The following TTLL5 variants were observed in gnomAD, a reference collection of about 807,000 sequenced individuals.
The protein encoded by TTLL5 is tubulin polyglutamylase TTLL5.
In TTLL5, 132 loss-of-function variants were observed where a neutral mutation model predicts 168.4. The observed-to-expected ratio is 0.78, with a 90% CI of 0.68 to 0.91. TTLL5 has a LOEUF of 0.91. Among genes scored for constraint, TTLL5 ranks in the 40% least tolerant of loss-of-function variants. The probability of loss-of-function intolerance (pLI) is 0.00; values close to 1 mark genes in which losing one functional copy is unlikely to be tolerated. For synonymous variants in TTLL5, 546 were observed against 558.6 expected, an observed-to-expected ratio of 0.98 and a Z score of 0.32; for missense variants, 1,545 against 1,581.5, an observed-to-expected ratio of 0.98 and a Z score of 0.39.
intron 9 of TTLL5, chr14:75,712,284 C>T (rs1304650248): frequency 6.6e-6 from 1 of 151,846 alleles, no homozygotes; most frequent in Non-Finnish European, 1.5e-5. Flanking sequence ...TTGTCCAGGC[C>T]TCTCTGACTC....
chr14:75,764,162 A>G (rs1367196324), intron 18 of TTLL5, among the ~76,000 whole-genome samples: 1 of 152,168 alleles, frequency 6.6e-6, no homozygotes, highest in Non-Finnish European at 1.5e-5. Context: ...TGCTAAATCC[A>G]TATTGTTTAG....
intron 31 of TTLL5, among the ~76,000 whole-genome samples, chr14:75,924,939 G>T (rs532421388): frequency 6.7e-6 from 1 of 149,366 alleles, no homozygotes; most frequent in African/African-American, 2.5e-5. Context: ...CCTCCTGGAC[G>T]GGGCGGCTGG....
chr14:75,751,251 G>A (rs1015385899), intron 17 of TTLL5, among the ~76,000 whole-genome samples: 1 of 152,146 alleles, frequency 6.6e-6, no homozygotes, highest in Admixed American at 6.6e-5. Flanking sequence ...TCTTCTTCAC[G>A]ATGTCATGGA....
chr14:75,903,417 G>A (rs1238214484), intron 31 of TTLL5, among the ~76,000 whole-genome samples: 4 of 152,078 alleles, frequency 2.6e-5, no homozygotes, highest in Non-Finnish European at 4.4e-5. Context: ...AGTGTGGCTG[G>A]GGACTGGGGC....
chr14:75,889,787 G>A (rs562321564), intron 30 of TTLL5, among the ~76,000 whole-genome samples: 8 of 145,944 alleles, frequency 5.5e-5, no homozygotes, highest in East Asian at 2.0e-4. Flanking sequence ...CCAAGATTGC[G>A]CCACTGCACT....
chr14:75,817,592 GA>G lies in TTLL5; in HGVS notation c.3172-2407del, dbSNP rs562947025. 3.1e-3 allele frequency among the ~76,000 whole-genome samples: 467 copies of G among 151,548 alleles called. 3 individuals carry two copies. Among genetic ancestry groups the G allele is most frequent in the Middle Eastern group, 0.014 (4 of 294 alleles). On this transcript the variant is annotated intron_variant, in intron 27 of 31. Coordinates refer to ENST00000298832, the MANE Select transcript of TTLL5 (RefSeq NM_015072.5). ...CCTTTTTTCTTTCAGAATTTTTAGGGAAAAAAAATCATAATTCTCTCATTTG... is the reference window on the plus strand; with the variant it reads ...CCTTTTTTCTTTCAGAATTTTTAGGGAAAAAAATCATAATTCTCTCATTTG...
intron 28 of TTLL5, among the ~76,000 whole-genome samples, chr14:75,823,400 C>T (rs1595101785): frequency 1.3e-5 from 2 of 151,994 alleles, no homozygotes; most frequent in African/African-American, 4.8e-5. Flanking sequence ...GTTCTTAGTG[C>T]GTTTTTCTTT....
At chr14:75,866,789 TGC>T (rs969390169) in intron 29 of TTLL5, among the ~76,000 whole-genome samples, 24 of 152,344 alleles carry the variant, frequency 1.6e-4, no homozygotes, top group African/African-American at 5.5e-4. Flanking sequence ...AGTATAGCAT[TGC>T]ACTCATAAAT....
chr14:75,877,208 G>A (rs543080176), intron 29 of TTLL5, among the ~76,000 whole-genome samples: 48 of 152,232 alleles, frequency 3.2e-4, no homozygotes, highest in African/African-American at 1.1e-3. Flanking sequence ...CTACAAAGAG[G>A]CATCCAGCTC....
At chr14:75,664,992 G>T (rs75151375) in intron 2 of TTLL5, among the ~76,000 whole-genome samples, 2,388 of 152,252 alleles carry the variant, frequency 0.016, 81 homozygotes, top group African/African-American at 0.054. Flanking sequence ...ATTATAGTAG[G>T]TACTTAGTAA....
chr14:75,690,061 A>G, intron 5 of TTLL5, 131 bp from the exon 6 acceptor site: 2 of 911,108 alleles, frequency 2.2e-6, no homozygotes, highest in Non-Finnish European at 3.2e-6. Flanking sequence ...ATTAACAGCG[A>G]TATGTTTAGG....
intron 5 of TTLL5, among the ~76,000 whole-genome samples, chr14:75,688,097 G>A (rs1566814820): frequency 6.6e-6 from 1 of 152,176 alleles, no homozygotes; most frequent in Non-Finnish European, 1.5e-5. Flanking sequence ...AGAGTGAGAA[G>A]TGTCCTTTTA....
intron 1 of TTLL5, among the ~76,000 whole-genome samples, chr14:75,662,428 G>A (rs1156898023): frequency 1.3e-5 from 2 of 150,894 alleles, no homozygotes; most frequent in Admixed American, 6.6e-5. Flanking sequence ...GGGTTCAAGC[G>A]ATTCTCCTCC....
At chr14:75,822,335 T>C (rs1203669337) in intron 28 of TTLL5, among the ~76,000 whole-genome samples, 4 of 152,224 alleles carry the variant, frequency 2.6e-5, no homozygotes, top group Non-Finnish European at 5.9e-5. Context: ...AATCTTTTTA[T>C]TGGGTAAGCA....
chr14:75,740,459 A>G (rs1252526591), intron 15 of TTLL5, among the ~76,000 whole-genome samples: 1 of 152,074 alleles, frequency 6.6e-6, no homozygotes, highest in Non-Finnish European at 1.5e-5. Context: ...TCAGTTCTTC[A>G]TGATTTTTCA....
At chr14:75,884,909 G>A (rs1007917984) in intron 30 of TTLL5, among the ~76,000 whole-genome samples, 3 of 151,242 alleles carry the variant, frequency 2.0e-5, no homozygotes, top group African/African-American at 4.9e-5. Flanking sequence ...GGTGGCTCAC[G>A]CCTGTAATCC....
At position 75,763,253 on chromosome 14, in the gene TTLL5, C is replaced by CTGTG. The variant is rs202149877; in HGVS notation, c.1551-1361_1551-1360insGTGT. ...TAAAAGTTTATTTCTATAGCTCTCT[C>CTGTG]TCTGTGTGTGTGTGTGTGTGTGTGT... On this transcript the variant is annotated intron_variant, in intron 18 of 31. Transcript: ENST00000298832. Among the ~76,000 whole-genome samples, 213 of 145,492 alleles carry CTGTG rather than the reference C, an allele frequency of 1.5e-3. 2 individuals are homozygous for CTGTG. Among genetic ancestry groups the CTGTG allele is most frequent in the East Asian group, 0.014 (71 of 4,978 alleles).
At chr14:75,680,908 T>C (rs1195706302) in intron 3 of TTLL5, among the ~76,000 whole-genome samples, 1 of 152,158 alleles carries the variant, frequency 6.6e-6, no homozygotes, top group Non-Finnish European at 1.5e-5. Context: ...GTTACAGGCG[T>C]GAGCCACCAT....
chr14:75,682,027 TA>T (rs916240246), intron 4 of TTLL5, among the ~76,000 whole-genome samples: 11 of 151,436 alleles, frequency 7.3e-5, no homozygotes, highest in African/African-American at 2.7e-4. Context: ...CCGTCTCTAC[TA>T]AAAATACAAA....
Sources: gnomAD v4.1 joint callset for allele counts (sites outside exome capture counted in the v4.1 genomes callset) on GRCh38, gnomAD v4.1.1 for gene constraint, MANE v1.5 for transcripts, NCBI Gene and HGNC (gene_info 2026-07-23, HGNC 2026-07-21) for gene names.